The following ADGRG5 variants were observed in gnomAD, a reference collection of about 807,000 sequenced individuals.
ADGRG5 encodes the protein adhesion G protein-coupled receptor G5.
In ADGRG5, 37 loss-of-function variants were observed where a neutral mutation model predicts 53.2. The ratio of observed to expected loss-of-function variants is 0.70; its 90% CI spans 0.53 to 0.91. The LOEUF (loss-of-function observed/expected upper bound fraction) is 0.91. Among genes scored for constraint, ADGRG5 ranks in the 40% least tolerant of loss-of-function variants. ADGRG5 has a pLI of 0.00. For missense variants in ADGRG5, 614 were observed against 675.8 expected (o/e 0.91, Z 1.01); for synonymous variants, 277 against 290.4 (o/e 0.95, Z 0.47).
At chr16:57,546,976 T>C (rs1164477701) in intron 1 of ADGRG5, among the ~76,000 whole-genome samples, 3 of 152,192 alleles carry the variant, frequency 2.0e-5, no homozygotes, top group Admixed American at 6.5e-5. Flanking sequence ...CCTCCCAAAG[T>C]GCTGGGATTA....
At chr16:57,537,936 C>T (rs2032429590), upstream of ADGRG5, among the ~76,000 whole-genome samples, 1 of 152,158 alleles carries the variant, frequency 6.6e-6, no homozygotes, top group South Asian at 2.1e-4. Flanking sequence ...GAAATGAAGG[C>T]TCAGAGAGGC....
At chr16:57,544,982 T>C (rs2032582491) in intron 1 of ADGRG5, among the ~76,000 whole-genome samples, 1 of 152,098 alleles carries the variant, frequency 6.6e-6, no homozygotes, top group South Asian at 2.1e-4. Flanking sequence ...CTCCCTATGT[T>C]ACTCTGGCTG....
At chr16:57,540,754 AC>A (rs1360187016), upstream of ADGRG5, among the ~76,000 whole-genome samples, 1 of 152,046 alleles carries the variant, frequency 6.6e-6, no homozygotes, top group East Asian at 1.9e-4. Flanking sequence ...ACGGGGTTAG[AC>A]TGTGAAGGCA....
At chr16:57,553,625 C>G (rs1354592291) in intron 1 of ADGRG5, among the ~76,000 whole-genome samples, 2 of 152,202 alleles carry the variant, frequency 1.3e-5, no homozygotes, top group African/African-American at 4.8e-5. Context: ...ACTCCTCCAA[C>G]TTCATTCTTC....
intron 1 of ADGRG5, among the ~76,000 whole-genome samples, chr16:57,548,341 T>C (rs2146758115): frequency 6.6e-6 from 1 of 152,312 alleles, no homozygotes; most frequent in East Asian, 1.9e-4. Context: ...AGTAGTAACA[T>C]CTTGCATGCC....
At chr16:57,539,753 T>C (rs568934038), upstream of ADGRG5, among the ~76,000 whole-genome samples, 29 of 151,472 alleles carry the variant, frequency 1.9e-4, no homozygotes, top group Admixed American at 3.3e-4. Context: ...ACCCACCTGG[T>C]CTGAATCTAC....
intron 5 of ADGRG5, among the ~76,000 whole-genome samples, chr16:57,564,474 G>A (rs1326500643): frequency 1.3e-5 from 2 of 152,090 alleles, no homozygotes; most frequent in Admixed American, 1.3e-4. Context: ...GCTAATTTTC[G>A]TATTTTTAGT....
At chr16:57,562,979 TGTGACAGAGGTGTGG>T (rs2033039336) in intron 3 of ADGRG5, 97 bp from the exon 4 acceptor site, 1 of 967,042 alleles carries the variant, frequency 1.0e-6, no homozygotes, top group African/African-American at 1.6e-5. Flanking sequence ...TGGAGGTGCG[TGTGACAGAGGTGTGG>T]GTGGGGAGGC....
chr16:57,541,233 TG>T (rs2032484618), upstream of ADGRG5, among the ~76,000 whole-genome samples: 1 of 152,104 alleles, frequency 6.6e-6, no homozygotes, highest in Non-Finnish European at 1.5e-5. Context: ...AGAGGGGCTA[TG>T]GGGTAGGCAG....
chr16:57,575,706 A>T lies in ADGRG5; in HGVS notation c.*168A>T. 1 of 597,358 alleles carries T rather than the reference A, an allele frequency of 1.7e-6. No homozygotes were observed. Among genetic ancestry groups the T allele is most frequent in the East Asian group, 2.8e-5 (1 of 35,606 alleles). 37.0% of individuals were successfully genotyped at this position (597,358 alleles called of 1,614,324 possible). On this transcript the variant is annotated 3_prime_UTR_variant, in exon 12 of 12. Transcript: ENST00000349457. ...CCTCTCCAGGCACTGAGGGGAAGGC[A>T]TTGCTCTACCTCTCCCTGACATTTT...
chr16:57,567,655 C>T, intron 8 of ADGRG5, 64 bp downstream of exon 8: 1 of 1,575,360 alleles, frequency 6.3e-7, no homozygotes, highest in South Asian at 1.1e-5. Context: ...CCTTGTGTCC[C>T]ATTTAGTCCA....
intron 1 of ADGRG5, among the ~76,000 whole-genome samples, chr16:57,555,776 T>A (rs550114555): frequency 6.6e-6 from 1 of 152,214 alleles, no homozygotes; most frequent in South Asian, 2.1e-4. Context: ...TCTTACTTAT[T>A]GATATGGTTT....
At chr16:57,537,933 AGGCTCAGAGAGGCTCTT>A (rs757911475), upstream of ADGRG5, among the ~76,000 whole-genome samples, 3 of 152,148 alleles carry the variant, frequency 2.0e-5, no homozygotes, top group Non-Finnish European at 2.9e-5. Context: ...GAGGAAATGA[AGGCTCAGAGAGGCTCTT>A]GGCTCAGACT....
chr16:57,536,809 C>T, the ADGRG5 span, among the ~76,000 whole-genome samples: 1 of 152,148 alleles, frequency 6.6e-6, no homozygotes, highest in African/African-American at 2.4e-5. Context: ...GCCCCACCCC[C>T]GTGAGGGGCC....
intron 9 of ADGRG5, among the ~76,000 whole-genome samples, 172 bp downstream of exon 9, chr16:57,568,296 C>T (rs2033202712): frequency 6.6e-6 from 1 of 152,024 alleles, no homozygotes; most frequent in African/African-American, 2.4e-5. Context: ...ATTTTATCAC[C>T]TCTTCCACCT....
intron 5 of ADGRG5, among the ~76,000 whole-genome samples, chr16:57,564,256 T>C (rs865950206): frequency 3.9e-5 from 6 of 152,102 alleles, no homozygotes; most frequent in South Asian, 2.1e-4. Context: ...AAGGCACTTA[T>C]TATTCCCTGC....
rs1339037010 is a variant in ADGRG5 at position 57,575,523 on chromosome 16, C to T, written c.1572C>T (p.Ser524=). Residue 524 remains serine, a synonymous_variant, in exon 12 of 12, where the codon TCC becomes TCT. Coordinates refer to ENST00000349457, the MANE Select transcript of ADGRG5 (RefSeq NM_001304376.3). ...CACAGATAGAGGCCTTCAGCTCCTC[C>T]CAAACAACACAGTAGTCCGGGCCTC... is the stretch of plus-strand genomic sequence containing the variant. ...AKAQIEAFSS[S]QTTQ 6.2e-7 allele frequency: 1 copy of T among 1,613,962 alleles called. No individual in the cohort carries two copies. The highest frequency in any genetic ancestry group is 1.3e-5 in the African/African-American group (1 of 75,064).
upstream of ADGRG5, among the ~76,000 whole-genome samples, chr16:57,540,199 C>T (rs573312123): frequency 2.0e-5 from 3 of 152,048 alleles, no homozygotes; most frequent in Non-Finnish European, 2.9e-5. Context: ...GCCGAGATTG[C>T]GCCACTGCAC....
At chr16:57,529,285 C>G in the ADGRG5 span, 1 of 1,118,376 alleles carries the variant, frequency 8.9e-7, no homozygotes, top group Non-Finnish European at 1.1e-6. This position sits in a 1 kb window ranked among gnomAD's most constrained non-coding sequence, Gnocchi z 4.1. Context: ...CCGTGCCCCG[C>G]TTCCCTCTGG....
Sources: allele counts gnomAD v4.1 joint callset (sites outside exome capture counted in the v4.1 genomes callset), GRCh38; gene constraint gnomAD v4.1.1; non-coding constraint Gnocchi (gnomAD v3.1); transcripts MANE v1.5; gene names NCBI Gene and HGNC (gene_info 2026-07-23, HGNC 2026-07-21).